Variants in NCOA1 observed in about 807,000 individuals in gnomAD.
NCOA1 encodes nuclear receptor coactivator 1.
Under a neutral mutation model 150.9 loss-of-function variants are expected in NCOA1, and 35 were observed. That is an observed-to-expected ratio of 0.23 (90% CI 0.18 to 0.31). The LOEUF (loss-of-function observed/expected upper bound fraction) is 0.31, where lower values mean the gene tolerates loss of function less well. NCOA1 is among the 10% of genes least tolerant of loss of function. NCOA1 has a pLI of 1.00. For synonymous variants in NCOA1, 590 were observed against 630.0 expected, an observed-to-expected ratio of 0.94 and a Z score of 0.95; for missense variants, 1,491 against 1,749.3, an observed-to-expected ratio of 0.85 and a Z score of 2.63.
intron 17 of NCOA1, among the ~76,000 whole-genome samples, chr2:24,731,526 T>TAA (rs1412489822): frequency 2.6e-5 from 4 of 152,142 alleles, no homozygotes; most frequent in Non-Finnish European, 1.5e-5. Context: ...GCTTCCATTC[T>TAA]GTTTAAAAAA....
intron 14 of NCOA1, among the ~76,000 whole-genome samples, chr2:24,722,085 C>G (rs1042940033): frequency 6.6e-6 from 1 of 152,024 alleles, no homozygotes; most frequent in Admixed American, 6.6e-5. Context: ...AATGAGAAAA[C>G]AAAGGTCCAG....
At chr2:24,718,984 G>A (rs1457082829) in intron 14 of NCOA1, among the ~76,000 whole-genome samples, 10 of 119,314 alleles carry the variant, frequency 8.4e-5, no homozygotes, top group Admixed American at 2.2e-4. Flanking sequence ...AGCCGAGATC[G>A]CACCATTGCA....
chr2:24,540,606 G>A lies in NCOA1; in HGVS notation c.-395-23689G>A, dbSNP rs149770455. Among the ~76,000 whole-genome samples, 430 of 152,062 alleles carry A rather than the reference G, an allele frequency of 2.8e-3. 2 individuals are homozygous for A. The highest frequency in any genetic ancestry group is 1.9e-3 in the East Asian group (10 of 5,158). On this transcript the variant is annotated intron_variant, in intron 1 of 22. Coordinates refer to ENST00000348332, the MANE Select transcript of NCOA1 (RefSeq NM_003743.5). The stretch of plus-strand genomic sequence containing the variant: ...CCCCAGTAGCTGGGATTACAGGCGC[G>A]TGCCACCACACCTGGCTAATTTTTA...
chr2:24,767,268 A>G (rs1465914911), intron 22 of NCOA1, among the ~76,000 whole-genome samples: 1 of 152,252 alleles, frequency 6.6e-6, no homozygotes, highest in East Asian at 1.9e-4. Context: ...AAAATACTTT[A>G]TGACCTATCA....
intron 19 of NCOA1, among the ~76,000 whole-genome samples, 187 bp from the exon 20 acceptor site, chr2:24,751,795 T>G (rs889790287): frequency 6.6e-6 from 1 of 152,144 alleles, no homozygotes; most frequent in Non-Finnish European, 1.5e-5. Flanking sequence ...TTGCCCTAGT[T>G]TAAGATACTA....
At chr2:24,755,414 A>C (rs981971704) in intron 20 of NCOA1, among the ~76,000 whole-genome samples, 1 of 152,252 alleles carries the variant, frequency 6.6e-6, no homozygotes, top group Non-Finnish European at 1.5e-5. Flanking sequence ...TGTTTCTCAG[A>C]CTTATTTGAC....
In NCOA1 at chr2:24,665,770, G is replaced by A. The variant is rs1671391383; in HGVS notation, c.111G>A (p.Glu37=). 4.4e-6 allele frequency: 7 copies of A among 1,590,170 alleles called. No homozygotes were observed. Among genetic ancestry groups the A allele is most frequent in the Non-Finnish European group, 5.1e-6 (6 of 1,167,286 alleles). Residue 37 remains glutamate (E), a synonymous_variant, in exon 6 of 23, where the codon GAG becomes GAA. Transcript: ENST00000348332. The part of the protein sequence containing the change: ...LASSTEKRRR[E]QENKYLEELA... ...ACAGCACGGAAAAGAGGCGCAGGGA[G>A]CAAGAAAATAAATATTTAGAAGAAC...
chr2:24,669,520 C>A (rs957147649), intron 6 of NCOA1, among the ~76,000 whole-genome samples: 1 of 152,100 alleles, frequency 6.6e-6, no homozygotes, highest in Non-Finnish European at 1.5e-5. Flanking sequence ...ATATTTTGCA[C>A]GTCACACAAA....
At chr2:24,726,788 G>A (rs889591643) in intron 15 of NCOA1, 82 bp downstream of exon 15, 1 of 668,934 alleles carries the variant, frequency 1.5e-6, no homozygotes, top group Admixed American at 3.1e-5. Flanking sequence ...CTACATTTCA[G>A]TCTACAGTGG....
intron 4 of NCOA1, among the ~76,000 whole-genome samples, chr2:24,657,057 A>G (rs1347830365): frequency 6.6e-6 from 1 of 152,166 alleles, no homozygotes; most frequent in East Asian, 1.9e-4. Context: ...CTCTTTTCCA[A>G]ATGGCTACGC....
At chr2:24,741,259 A>G (rs2148662208) in intron 18 of NCOA1, among the ~76,000 whole-genome samples, 1 of 152,300 alleles carries the variant, frequency 6.6e-6, no homozygotes, top group South Asian at 2.1e-4. Flanking sequence ...CATGTTATTC[A>G]TTTAAATAAA....
chr2:24,657,688 C>T (rs1054639443), intron 4 of NCOA1, among the ~76,000 whole-genome samples: 4 of 152,160 alleles, frequency 2.6e-5, no homozygotes, highest in Admixed American at 6.5e-5. Context: ...GTGAGAGATT[C>T]TCAGCATTCT....
chr2:24,632,374 A>C (rs1277731196), intron 3 of NCOA1, among the ~76,000 whole-genome samples: 1 of 152,206 alleles, frequency 6.6e-6, no homozygotes, highest in Non-Finnish European at 1.5e-5. Context: ...GATGGTTTCA[A>C]AGCTATTTAA....
chr2:24,569,754 C>T (rs1161063393), intron 2 of NCOA1, among the ~76,000 whole-genome samples: 1 of 150,286 alleles, frequency 6.7e-6, no homozygotes, highest in African/African-American at 2.4e-5. Flanking sequence ...CCCGTAATCC[C>T]AGCTACTTGG....
chr2:24,629,813 C>CATGCATATATATAT (rs1396224101), intron 3 of NCOA1, among the ~76,000 whole-genome samples: 2 of 77,348 alleles, frequency 2.6e-5, no homozygotes, highest in African/African-American at 1.0e-4. Flanking sequence ...AAGTAACATA[C>CATGCATATATATAT]ATACATATAT....
intron 3 of NCOA1, among the ~76,000 whole-genome samples, chr2:24,639,916 G>GTA (rs67632791): frequency 7.4e-4 from 22 of 29,702 alleles, no homozygotes; most frequent in Non-Finnish European, 1.4e-3. Context: ...ATGTGTGTGT[G>GTA]TATATATATA....
chr2:24,618,684 C>T (rs563264642), intron 3 of NCOA1, among the ~76,000 whole-genome samples: 1 of 152,184 alleles, frequency 6.6e-6, no homozygotes, highest in East Asian at 1.9e-4. Context: ...CTACAAACTG[C>T]CATACCTTGC....
intron 2 of NCOA1, among the ~76,000 whole-genome samples, chr2:24,569,054 AAG>A (rs1179997623): frequency 6.6e-6 from 1 of 152,178 alleles, no homozygotes; most frequent in Non-Finnish European, 1.5e-5. Context: ...TTTTAAGTAA[AAG>A]AAGTTGCAGC....
rs1356653172 is a variant in NCOA1, at chr2:24,584,561, G to C, written c.-175+1G>C. ...TCTGAGGGGCTTAGAAATTAACAGG[G>C]TAAGTTGAATATCATCTTAAATACT... On this transcript the variant is annotated splice_donor_variant, in intron 3 of 22. Transcript: ENST00000348332. LOFTEE classifies it low-confidence loss of function (5UTR_SPLICE). 1 of 152,274 alleles carries C rather than the reference G, an allele frequency of 6.6e-6. No individual in the cohort carries two copies. The allele number at this position is 152,274 out of a possible 1,614,324, so 9.4% of individuals were successfully genotyped here.
Sources: allele counts gnomAD v4.1 joint callset (sites outside exome capture counted in the v4.1 genomes callset), GRCh38; gene constraint gnomAD v4.1.1; transcripts MANE v1.5; gene names NCBI Gene and HGNC (gene_info 2026-07-23, HGNC 2026-07-21).